NBEA: variants seen among roughly 807,000 people sequenced by gnomAD.
The protein encoded by NBEA is lysosomal-trafficking regulator 2.
A neutral mutation model predicts 343.4 loss-of-function variants in NBEA; 44 were observed. The ratio of observed to expected loss-of-function variants is 0.13; its 90% CI spans 0.10 to 0.16. The LOEUF is 0.16. Among genes scored for constraint, NBEA ranks in the 10% least tolerant of loss-of-function variants. The pLI is 1.00. For missense variants in NBEA, 2,555 were observed against 3,631.3 expected (o/e 0.70, Z 7.62); for synonymous variants, 1,175 against 1,238.7 (o/e 0.95, Z 1.08).
intron 38 of NBEA, among the ~76,000 whole-genome samples, chr13:35,373,321 G>A (rs1007399277): frequency 6.6e-6 from 1 of 152,116 alleles, no homozygotes; most frequent in Admixed American, 6.6e-5. Context: ...AGTCAGCCAT[G>A]TTAAAGCCCC....
At position 35,159,844 on chromosome 13, in the gene NBEA, T is replaced by A. The variant is rs1203984864; in HGVS notation, c.3673T>A (p.Leu1225Ile). Residue 1225 changes from leucine to isoleucine, a missense_variant, in exon 22 of 59, where the codon TTA becomes ATA. By Grantham distance (5) the Leu-to-Ile change is conservative (BLOSUM62 2). Around this residue, in one of 21 missense-constraint regions of NBEA, gnomAD observed 367 missense variants for 377.5 expected, o/e 0.97. Coordinates refer to ENST00000379939, the MANE Select transcript of NBEA (RefSeq NM_001385012.1). ...AATGAGCAGTATTTCTGAAAGAGACTTAGCGTCATCAACTAAGGGGCTGGA... is the reference window on the plus strand; with the variant it reads ...AATGAGCAGTATTTCTGAAAGAGACATAGCGTCATCAACTAAGGGGCTGGA... ...DGMSSISERDLASSTKGLEYA... is the reference protein window; with the variant it reads ...DGMSSISERDIASSTKGLEYA... 1.2e-5 allele frequency: 19 copies of A among 1,608,182 alleles called. No individual in the cohort carries two copies. Among genetic ancestry groups the A allele is most frequent in the Non-Finnish European group, 1.5e-5 (18 of 1,176,988 alleles).
chr13:35,654,492 A>C (rs998546127), intron 53 of NBEA, among the ~76,000 whole-genome samples: 2 of 152,228 alleles, frequency 1.3e-5, no homozygotes, highest in African/African-American at 4.8e-5. Context: ...ACTTCATACA[A>C]TATTTAGTTT....
rs369778155 is a variant in NBEA at position 35,084,118 on chromosome 13, A to G, written c.1571+13266A>G. ...AGAAAGAGACTTAGACTGCCACACA[A>G]TAATAATGGGAGACTTTAACACCCC... On this transcript the variant is annotated intron_variant, in intron 10 of 58. Transcript: ENST00000379939. Among the ~76,000 whole-genome samples, 15 of 152,216 alleles carry G rather than the reference A, an allele frequency of 9.9e-5. No individual in the cohort carries two copies. The East Asian group carries it at 2.3e-3, about 24-fold the overall frequency.
rs187625968 is a variant in NBEA at position 35,310,468 on chromosome 13, A to G, written c.5903+876A>G. On this transcript the variant is annotated intron_variant, in intron 36 of 58. Transcript: ENST00000379939. ...GATAAATATTCCTACCAGGACTAAA[A>G]CACAGCACGCTTTGCGGGCATGGCT... Among the ~76,000 whole-genome samples the G allele has an allele frequency of 5.5e-4, 84 of 152,332 alleles. 1 individual carries two copies. The highest frequency in any genetic ancestry group is 5.1e-3 in the Admixed American group (78 of 15,298).
At chr13:35,389,707 A>G (rs1286502646) in intron 38 of NBEA, among the ~76,000 whole-genome samples, 2 of 152,142 alleles carry the variant, frequency 1.3e-5, no homozygotes, top group Admixed American at 1.3e-4. Context: ...TATTATAATT[A>G]TCAAGAGATT....
rs548759650 is a variant in NBEA, at chr13:35,605,462, C to T, written c.7297-964C>T. Among the ~76,000 whole-genome samples the T allele has an allele frequency of 2.0e-5, 3 of 152,222 alleles. No individual in the cohort carries two copies. The South Asian group carries it at 6.2e-4, about 32-fold the overall frequency. On this transcript the variant is annotated intron_variant, in intron 47 of 58. Transcript: ENST00000379939. ...TTTTTCTATGCATCCCTAGAAAAGA[C>T]TACAGTGAGATTTAAATTTCAGATG... is the stretch of plus-strand genomic sequence containing the variant.
At chr13:35,166,968 T>A (rs1415714952) in intron 24 of NBEA, among the ~76,000 whole-genome samples, 2 of 152,030 alleles carry the variant, frequency 1.3e-5, no homozygotes, top group East Asian at 3.9e-4. Context: ...GCTTTTAGAA[T>A]TTTAATCCTA....
intron 41 of NBEA, among the ~76,000 whole-genome samples, chr13:35,539,847 C>T (rs891542164): frequency 7.6e-6 from 1 of 130,762 alleles, no homozygotes; most frequent in African/African-American, 3.0e-5. Flanking sequence ...ACCCGGGAGG[C>T]GGAGCTTGCA....
At chr13:35,452,280 A>G in intron 40 of NBEA, 45 bp downstream of exon 40, 1 of 1,417,996 alleles carries the variant, frequency 7.1e-7, no homozygotes, top group Non-Finnish European at 9.7e-7. Flanking sequence ...AAATAAACAC[A>G]AAGCTACTGA....
chr13:35,131,585 A>G (rs910639587), intron 17 of NBEA, among the ~76,000 whole-genome samples: 8 of 152,194 alleles, frequency 5.3e-5, no homozygotes, highest in East Asian at 1.9e-4. Flanking sequence ...CCACAGTCCT[A>G]TTTAGTAATG....
chr13:35,553,693 A>G (rs1252128076), intron 43 of NBEA, among the ~76,000 whole-genome samples: 7 of 152,166 alleles, frequency 4.6e-5, no homozygotes, highest in Admixed American at 1.3e-4. Context: ...TACTCATGTT[A>G]ATAATCCATG....
chr13:34,955,739 A>G (rs2059470711), intron 1 of NBEA, among the ~76,000 whole-genome samples: 1 of 152,150 alleles, frequency 6.6e-6, no homozygotes, highest in African/African-American at 2.4e-5. Context: ...GACCATTCAT[A>G]TCTTTCAGTT....
intron 1 of NBEA, among the ~76,000 whole-genome samples, chr13:34,996,417 A>G (rs757318463): frequency 6.6e-6 from 1 of 152,086 alleles, no homozygotes; most frequent in African/African-American, 2.4e-5. Flanking sequence ...ATTGAATGCT[A>G]ATATCTGAAA....
At chr13:35,475,195 C>T in intron 41 of NBEA, 1 of 1,613,908 alleles carries the variant, frequency 6.2e-7, no homozygotes, top group Non-Finnish European at 8.5e-7. Flanking sequence ...GTGGGGACAC[C>T]GCCGGCACTG....
chr13:35,345,065 A>T (rs547904754), intron 36 of NBEA, among the ~76,000 whole-genome samples: 2 of 152,246 alleles, frequency 1.3e-5, no homozygotes, highest in South Asian at 4.1e-4. Flanking sequence ...TGATGAGGGA[A>T]ATTTATCCCA....
intron 45 of NBEA, among the ~76,000 whole-genome samples, chr13:35,571,692 C>T (rs986106221): frequency 1.3e-5 from 2 of 151,836 alleles, no homozygotes; most frequent in Non-Finnish European, 2.9e-5. Context: ...TTATTTGATT[C>T]CTCTGATTTA....
At chr13:35,453,253 C>T (rs2046395345) in intron 40 of NBEA, among the ~76,000 whole-genome samples, 1 of 152,076 alleles carries the variant, frequency 6.6e-6, no homozygotes, top group African/African-American at 2.4e-5. Flanking sequence ...ATTATTCTCC[C>T]TTTTCTAGAT....
At chr13:35,123,931 TTC>T (rs2066932209) in intron 17 of NBEA, among the ~76,000 whole-genome samples, 1 of 152,138 alleles carries the variant, frequency 6.6e-6, no homozygotes, top group Non-Finnish European at 1.5e-5. Context: ...GCTGAGGTCT[TTC>T]TCAGAGTTGA....
intron 35 of NBEA, among the ~76,000 whole-genome samples, chr13:35,301,448 C>G (rs549828920): frequency 2.6e-5 from 4 of 152,024 alleles, no homozygotes; most frequent in African/African-American, 9.7e-5. Context: ...GTTTCATTTT[C>G]TGTTTCTGCG....
Sources: allele counts gnomAD v4.1 joint callset (sites outside exome capture counted in the v4.1 genomes callset), GRCh38; gene constraint gnomAD v4.1.1; regional missense constraint gnomAD v4.1.1; transcripts MANE v1.5; gene names NCBI Gene and HGNC (gene_info 2026-07-23, HGNC 2026-07-21).